Variants in DLG5 observed in about 807,000 individuals in gnomAD.
DLG5 encodes the protein discs large MAGUK scaffold protein 5, also known as disks large homolog 5.
DLG5 carries 48 observed loss-of-function variants against 189.8 expected under a neutral mutation model. The ratio of observed to expected loss-of-function variants is 0.25; its 90% confidence interval spans 0.20 to 0.32. The LOEUF (loss-of-function observed/expected upper bound fraction) is 0.32. DLG5 is among the 10% of genes least tolerant of loss of function. DLG5 has a pLI of 1.00. For missense variants in DLG5, 2,160 were observed against 2,544.7 expected (o/e 0.85, Z 3.25); for synonymous variants, 1,016 against 1,054.1 (o/e 0.96, Z 0.70).
chr10:77,852,573 G>A (rs903521434), intron 5 of DLG5, among the ~76,000 whole-genome samples: 12 of 151,794 alleles, frequency 7.9e-5, no homozygotes, highest in Non-Finnish European at 1.0e-4. Flanking sequence ...CCACCACCAC[G>A]CCCGGCTAAT....
At chr10:77,933,303 TG>T in the DLG5 span, among the ~76,000 whole-genome samples, 1 of 152,106 alleles carries the variant, frequency 6.6e-6, no homozygotes, top group African/African-American at 2.4e-5. Flanking sequence ...TTGTTTTTTT[TG>T]AGATAGAGTC....
At chr10:77,921,739 G>C (rs1846540628) in intron 1 of DLG5, among the ~76,000 whole-genome samples, 1 of 152,214 alleles carries the variant, frequency 6.6e-6, no homozygotes, top group Non-Finnish European at 1.5e-5. Flanking sequence ...GCTCTCCTCG[G>C]CTTCTCCAGC....
At chr10:77,859,362 A>G (rs1844382984) in intron 2 of DLG5, among the ~76,000 whole-genome samples, 1 of 152,232 alleles carries the variant, frequency 6.6e-6, no homozygotes, top group Non-Finnish European at 1.5e-5. Context: ...GTGTACAGTC[A>G]TGTTTTAGGC....
At chr10:77,814,461 T>TTTTATATATATA (rs1279061097) in intron 20 of DLG5, among the ~76,000 whole-genome samples, 10 of 70,754 alleles carry the variant, frequency 1.4e-4, no homozygotes, top group Admixed American at 2.0e-4. Context: ...TAAAGCATGT[T>TTTTATATATATA]TATATATATA....
intron 1 of DLG5, among the ~76,000 whole-genome samples, chr10:77,882,008 A>G (rs1202103144): frequency 6.6e-6 from 1 of 152,248 alleles, no homozygotes; most frequent in East Asian, 1.9e-4. Context: ...TGTCATCTAC[A>G]CTGCCCTCCT....
At chr10:77,939,186 A>T in the DLG5 span, among the ~76,000 whole-genome samples, 74 of 152,318 alleles carry the variant, frequency 4.9e-4, 1 homozygote, top group Admixed American at 3.3e-3. Context: ...GTCTCAAAAC[A>T]AAACAAAACA....
chr10:77,867,945 C>T (rs1844750366), intron 2 of DLG5: 1 of 456,596 alleles, frequency 2.2e-6, no homozygotes, highest in Non-Finnish European at 4.4e-6. Flanking sequence ...GACAGACACA[C>T]ATGGACGGAG....
chr10:77,810,788 G>A (rs1027997811), intron 23 of DLG5, among the ~76,000 whole-genome samples: 1 of 152,232 alleles, frequency 6.6e-6, no homozygotes, highest in Non-Finnish European at 1.5e-5. Context: ...GGGCCTGGCC[G>A]GGTGATGACT....
upstream of DLG5, among the ~76,000 whole-genome samples, chr10:77,931,728 G>A (rs1846787512): frequency 6.6e-6 from 1 of 151,952 alleles, no homozygotes; most frequent in Admixed American, 6.6e-5. Flanking sequence ...TCTCTCTAAG[G>A]TTGACTCTTC....
intron 13 of DLG5, among the ~76,000 whole-genome samples, chr10:77,826,706 G>C (rs1397339795): frequency 1.3e-5 from 2 of 152,158 alleles, no homozygotes; most frequent in African/African-American, 2.4e-5. Context: ...CCAGCACTTT[G>C]AGAGGCCAAG....
At chr10:77,862,970 A>T (rs1024331526) in intron 2 of DLG5, among the ~76,000 whole-genome samples, 4 of 152,234 alleles carry the variant, frequency 2.6e-5, no homozygotes, top group Non-Finnish European at 4.4e-5. Flanking sequence ...TACAGAGGGC[A>T]GTGTTTTGCA....
chr10:77,859,005 T>C (rs1038108703), intron 2 of DLG5, among the ~76,000 whole-genome samples: 3 of 152,124 alleles, frequency 2.0e-5, no homozygotes, highest in African/African-American at 4.8e-5. Context: ...CCTAAGTAGC[T>C]GGGACTACAG....
intron 27 of DLG5, among the ~76,000 whole-genome samples, chr10:77,797,152 C>A (rs1840967521): frequency 1.3e-5 from 2 of 152,224 alleles, no homozygotes; most frequent in Non-Finnish European, 2.9e-5. Flanking sequence ...GCCTCTCCCA[C>A]ATCAACCACA....
chr10:77,819,335 CT>C lies in DLG5; in HGVS notation c.3656del (p.Gln1219ArgfsTer13). On this transcript the variant is annotated frameshift_variant, in exon 17 of 32. Coordinates refer to ENST00000372391, the MANE Select transcript of DLG5 (RefSeq NM_004747.4). LOFTEE classifies it high-confidence loss of function. ...CCTTCACATACCTGGGATGCAAACC[CT>C]GGGGGCCAGCATCTCGGGCCGCAGG... is the stretch of plus-strand genomic sequence containing the variant. ...SPPAARDAGP[Q>X]GLHPSVQHQG... 6.2e-7 allele frequency: 1 copy of C among 1,613,986 alleles called. No individual in the cohort carries two copies. Among genetic ancestry groups the C allele is most frequent in the Non-Finnish European group, 8.5e-7 (1 of 1,180,000 alleles).
chr10:77,881,544 C>T (rs1255365186), intron 1 of DLG5, among the ~76,000 whole-genome samples: 2 of 152,152 alleles, frequency 1.3e-5, no homozygotes, highest in Admixed American at 6.5e-5. Flanking sequence ...CTCCTCTGGC[C>T]GTGGATTTCT....
chr10:77,824,779 T>G, intron 13 of DLG5: 1 of 317,150 alleles, frequency 3.2e-6, no homozygotes, highest in Admixed American at 4.9e-5. Flanking sequence ...CCATGTGGCG[T>G]GGGACCTTGG....
In DLG5 at chr10:77,819,888, G is replaced by A; in HGVS notation, c.3526+7C>T. On this transcript the variant is annotated splice_region_variant and intron_variant, in intron 16 of 31. Transcript: ENST00000372391. ...CCTCAGCCCCAGCCCCTGGCTGGCT[G>A]ACTCACCCACAGACGGCCTGCTAGG... is the stretch of plus-strand genomic sequence containing the variant. 6.5e-7 allele frequency: 1 copy of A among 1,546,474 alleles called. No homozygotes were observed. The highest frequency in any genetic ancestry group is 8.7e-7 in the Non-Finnish European group (1 of 1,149,128).
chr10:77,835,326 C>T (rs151235068), intron 8 of DLG5, among the ~76,000 whole-genome samples: 65 of 152,294 alleles, frequency 4.3e-4, no homozygotes, highest in Non-Finnish European at 7.4e-4. Context: ...CCCTCACTGC[C>T]GTGCCTGACC....
chr10:77,858,398 G>A (rs1177706199), intron 2 of DLG5, among the ~76,000 whole-genome samples: 1 of 152,170 alleles, frequency 6.6e-6, no homozygotes, highest in Non-Finnish European at 1.5e-5. Flanking sequence ...ACTCTGGGAG[G>A]CCAAGGCAGA....
Sources: allele counts gnomAD v4.1 joint callset (sites outside exome capture counted in the v4.1 genomes callset), GRCh38; gene constraint gnomAD v4.1.1; transcripts MANE v1.5; gene names NCBI Gene and HGNC (gene_info 2026-07-23, HGNC 2026-07-21).